The following TRIO variants were observed in gnomAD, a reference collection of about 807,000 sequenced individuals.
TRIO encodes the protein triple functional domain protein.
In TRIO, 58 loss-of-function variants were observed where a neutral mutation model predicts 351.9. The ratio of observed to expected loss-of-function variants is 0.16; its 90% CI spans 0.13 to 0.21. TRIO has a LOEUF of 0.21. Ranked by LOEUF, TRIO falls within the 10% of genes least tolerant of loss-of-function variation. The probability of loss-of-function intolerance (pLI) is 1.00; values close to 1 mark genes in which losing one functional copy is unlikely to be tolerated. For missense variants in TRIO, 3,201 were observed against 4,027.8 expected, an observed-to-expected ratio of 0.79 and a Z score of 5.56; for synonymous variants, 1,758 against 1,595.7, an observed-to-expected ratio of 1.10 and a Z score of -2.42.
At position 14,340,396 on chromosome 5, in the gene TRIO, G is replaced by GGA. The variant is rs1741836448; in HGVS notation, c.2046+3670_2046+3671dup. 2.8e-5 allele frequency among the ~76,000 whole-genome samples: 3 copies of GGA among 105,766 alleles called. No homozygotes were observed. In the South Asian group the frequency reaches 8.5e-4, roughly 30 times the overall value. 69.4% of individuals were successfully genotyped at this position (105,766 alleles called of 152,430 possible). ...TGGGCAACAGAGCAAGACTCCGTCTGGAAAAAAAAAAAAAAAAAGAAAAAG... is the reference window on the plus strand; with the variant it reads ...TGGGCAACAGAGCAAGACTCCGTCTGGAGAAAAAAAAAAAAAAAAAGAAAAAG... On this transcript the variant is annotated intron_variant, in intron 11 of 56. Transcript: ENST00000344204.
chr5:14,434,700 CTTAATAGTCAA>C (rs1211106610), intron 34 of TRIO, among the ~76,000 whole-genome samples: 1 of 152,280 alleles, frequency 6.6e-6, no homozygotes, highest in African/African-American at 2.4e-5. Context: ...CTCTCTCTGG[CTTAATAGTCAA>C]TTAAGAATCC....
At chr5:14,456,331 G>A (rs971275591) in intron 34 of TRIO, among the ~76,000 whole-genome samples, 2 of 152,240 alleles carry the variant, frequency 1.3e-5, no homozygotes, top group African/African-American at 2.4e-5. Context: ...ACAGTGCAGC[G>A]GTGGGCTGAA....
At chr5:14,245,849 A>T (rs1037480604) in intron 1 of TRIO, among the ~76,000 whole-genome samples, 1 of 152,224 alleles carries the variant, frequency 6.6e-6, no homozygotes, top group Non-Finnish European at 1.5e-5. Context: ...CCTAAAGCAC[A>T]GTTTGCCAGG....
intron 1 of TRIO, among the ~76,000 whole-genome samples, chr5:14,230,637 A>G (rs1212046100): frequency 1.3e-5 from 2 of 152,034 alleles, no homozygotes; most frequent in East Asian, 1.9e-4. Context: ...GTCTTCTCAT[A>G]TACATATATA....
chr5:14,280,830 T>G (rs1735932749), intron 3 of TRIO, among the ~76,000 whole-genome samples: 1 of 152,210 alleles, frequency 6.6e-6, no homozygotes, highest in Non-Finnish European at 1.5e-5. Context: ...TTAAAAATAG[T>G]CTGTTGATAT....
chr5:14,179,039 AC>A (rs931367814), intron 1 of TRIO, among the ~76,000 whole-genome samples: 1 of 151,830 alleles, frequency 6.6e-6, no homozygotes, highest in Non-Finnish European at 1.5e-5. Context: ...TACTCCCCCC[AC>A]CCCCGCAGAA....
At chr5:14,414,621 T>A (rs1749488097) in intron 33 of TRIO, among the ~76,000 whole-genome samples, 1 of 152,136 alleles carries the variant, frequency 6.6e-6, no homozygotes, top group South Asian at 2.1e-4. Context: ...TTTCTTTAAT[T>A]GTGGTTAAAA....
intron 1 of TRIO, among the ~76,000 whole-genome samples, chr5:14,266,018 T>C (rs1252691792): frequency 6.6e-6 from 1 of 152,060 alleles, no homozygotes; most frequent in Non-Finnish European, 1.5e-5. Flanking sequence ...GTTGGTTGAG[T>C]TCATTGATTG....
chr5:14,397,471 C>T (rs547341978), intron 29 of TRIO: 29 of 254,988 alleles, frequency 1.1e-4, no homozygotes, highest in African/African-American at 6.2e-4. Context: ...ATGGGTGGAT[C>T]AAACCCCAGG....
At position 14,167,441 on chromosome 5, in the gene TRIO, G is replaced by T. The variant is rs369236447; in HGVS notation, c.157+23559G>T. On this transcript the variant is annotated intron_variant, in intron 1 of 56. Coordinates refer to ENST00000344204, the MANE Select transcript of TRIO (RefSeq NM_007118.4). ...TGCAGGGCTGTTTGAAATCACACAC[G>T]TCAATATGAGGCCAACCCAGTTTTT... Among the ~76,000 whole-genome samples, 46 of 152,114 alleles carry T rather than the reference G, an allele frequency of 3.0e-4. 1 individual carries two copies. In the South Asian group the frequency reaches 9.3e-3, roughly 31 times the overall value.
chr5:14,350,647 C>A (rs544480868), intron 11 of TRIO, among the ~76,000 whole-genome samples: 1 of 152,292 alleles, frequency 6.6e-6, no homozygotes, highest in East Asian at 1.9e-4. Context: ...ACGTGCATAG[C>A]TGCCCTGAAT....
Position 14,279,991 on chromosome 5 carries a change from T to A in TRIO, c.233-331T>A, listed in dbSNP as rs184585456. Among the ~76,000 whole-genome samples, 4 of 152,340 alleles carry A rather than the reference T, an allele frequency of 2.6e-5. No homozygotes were observed. The East Asian group carries it at 7.7e-4, about 29-fold the overall frequency. On this transcript the variant is annotated intron_variant, in intron 2 of 56. Coordinates refer to ENST00000344204, the MANE Select transcript of TRIO (RefSeq NM_007118.4). Reference sequence around the variant, plus strand: ...AGAGAGCAGCTGTGAGGGAGGTGGTTGTCTGAGGTGAGTGAAACACATGGA... The same window carrying A: ...AGAGAGCAGCTGTGAGGGAGGTGGTAGTCTGAGGTGAGTGAAACACATGGA...
chr5:14,291,304 G>C, intron 5 of TRIO, 76 bp downstream of exon 5: 3 of 1,488,896 alleles, frequency 2.0e-6, no homozygotes, highest in Non-Finnish European at 2.7e-6. Flanking sequence ...GAAGGAAAGA[G>C]AAAAGGTGGA....
chr5:14,487,923 C>T lies in TRIO; in HGVS notation c.7295C>T (p.Ala2432Val). The T allele has an allele frequency of 6.5e-7, 1 of 1,539,252 alleles. No homozygotes were observed. Among genetic ancestry groups the T allele is most frequent in the South Asian group, 1.2e-5 (1 of 83,102 alleles). Reference protein sequence around the residue: ...AANASGSSPDAPAKDARASLG... With the variant: ...AANASGSSPDVPAKDARASLG... ...AACGCCTCGGGGTCGAGCCCAGACG[C>T]CCCCGCCAAGGACGCGCGCGCTAGC... is the stretch of plus-strand genomic sequence containing the variant. The change falls in exon 48 of 57, where the codon GCC becomes GTC. Residue 2432 changes from alanine to valine, a missense_variant. Around this residue, in one of 19 missense-constraint regions of TRIO, gnomAD observed 1,089 missense variants for 954.9 expected, o/e 1.14. Coordinates refer to ENST00000344204, the MANE Select transcript of TRIO (RefSeq NM_007118.4).
At chr5:14,487,310 G>A (rs934288287) in intron 47 of TRIO, among the ~76,000 whole-genome samples, 154 bp from the exon 48 acceptor site, 8 of 152,154 alleles carry the variant, frequency 5.3e-5, no homozygotes, top group African/African-American at 1.7e-4. Context: ...GCAAGCAGGG[G>A]CCTCTTCTAG....
At chr5:14,427,480 C>T (rs565071111) in intron 34 of TRIO, among the ~76,000 whole-genome samples, 15 of 152,306 alleles carry the variant, frequency 9.8e-5, no homozygotes, top group Admixed American at 2.6e-4. Flanking sequence ...ACGGGGGATA[C>T]GCCGGTGCTG....
rs944231569 is a variant in TRIO, at chr5:14,509,321, G to A, written c.*899G>A. 63 of 422,500 alleles carry A rather than the reference G, an allele frequency of 1.5e-4. No homozygotes were observed. The Admixed American group carries it at 1.8e-3, about 12-fold the overall frequency. The allele number at this position is 422,500 out of a possible 1,614,324, so 26.2% of individuals were successfully genotyped here. On this transcript the variant is annotated 3_prime_UTR_variant, in exon 57 of 57. Coordinates refer to ENST00000344204, the MANE Select transcript of TRIO (RefSeq NM_007118.4). Reference sequence around the variant, plus strand: ...GCAACTATTTATGAAGACCTCTGTTGTACCTGTAATAAATATATAGAAAAA... The same window carrying A: ...GCAACTATTTATGAAGACCTCTGTTATACCTGTAATAAATATATAGAAAAA...
chr5:14,309,000 A>G (rs947499194), intron 8 of TRIO, among the ~76,000 whole-genome samples: 1 of 150,382 alleles, frequency 6.6e-6, no homozygotes, highest in Admixed American at 6.6e-5. Context: ...TCATCACCCA[A>G]CCATCCATCC....
In TRIO at chr5:14,195,978, A is replaced by G. The variant is rs557355197; in HGVS notation, c.157+52096A>G. ...ATATCTGTATTTGTATAAATTTTAAAAACTGAGCATTATTTAAATGTTTAT... is the reference window on the plus strand; with the variant it reads ...ATATCTGTATTTGTATAAATTTTAAGAACTGAGCATTATTTAAATGTTTAT... On this transcript the variant is annotated intron_variant, in intron 1 of 56. Transcript: ENST00000344204. Among the ~76,000 whole-genome samples, 20 of 152,258 alleles carry G rather than the reference A, an allele frequency of 1.3e-4. No individual in the cohort carries two copies. In the East Asian group the frequency reaches 2.1e-3, roughly 16 times the overall value.
Sources: gnomAD v4.1 joint callset for allele counts (sites outside exome capture counted in the v4.1 genomes callset) on GRCh38, gnomAD v4.1.1 for gene constraint, gnomAD v4.1.1 regional missense constraint, MANE v1.5 for transcripts, NCBI Gene and HGNC (gene_info 2026-07-23, HGNC 2026-07-21) for gene names.